TMEM135: variants seen among roughly 807,000 people sequenced by gnomAD.
The protein encoded by TMEM135 is transmembrane protein 135.
TMEM135 carries 30 observed loss-of-function variants against 60.3 expected under a neutral mutation model. The observed-to-expected ratio is 0.50, with a 90% CI of 0.37 to 0.68. The LOEUF is 0.68. Among genes scored for constraint, TMEM135 ranks in the 30% least tolerant of loss-of-function variants. The pLI is 0.00. For missense variants in TMEM135, 468 were observed against 548.8 expected, an observed-to-expected ratio of 0.85 and a Z score of 1.47; for synonymous variants, 190 against 186.7, an observed-to-expected ratio of 1.02 and a Z score of -0.14.
intron 11 of TMEM135, among the ~76,000 whole-genome samples, chr11:87,314,191 G>T (rs1308682739): frequency 6.6e-6 from 1 of 151,630 alleles, no homozygotes; most frequent in East Asian, 1.9e-4. Flanking sequence ...ATTGTATTTG[G>T]CAAGACCACT....
chr11:87,221,979 T>A lies in TMEM135; in HGVS notation c.463-14659T>A, dbSNP rs554167837. Among the ~76,000 whole-genome samples the A allele has an allele frequency of 6.2e-4, 94 of 151,964 alleles. 1 individual carries two copies. Among genetic ancestry groups the A allele is most frequent in the East Asian group, 3.7e-3 (19 of 5,152 alleles). On this transcript the variant is annotated intron_variant, in intron 5 of 14. Transcript: ENST00000305494. ...TTGGGAGGCCGAGGTGGGCGGATTG[T>A]GAGGTCAGGAGATCGAGACCATCGA... is the stretch of plus-strand genomic sequence containing the variant.
At chr11:87,204,196 T>G (rs1295720076) in intron 5 of TMEM135, among the ~76,000 whole-genome samples, 1 of 152,174 alleles carries the variant, frequency 6.6e-6, no homozygotes, top group Non-Finnish European at 1.5e-5. Context: ...TCTCTGAAAG[T>G]CCCCTATGAA....
At chr11:87,313,320 C>A in intron 10 of TMEM135, 105 bp from the exon 11 acceptor site, 1 of 872,284 alleles carries the variant, frequency 1.1e-6, no homozygotes, top group South Asian at 1.4e-5. Flanking sequence ...CACTAATTGG[C>A]CTGCAAGGTA....
intron 4 of TMEM135, among the ~76,000 whole-genome samples, chr11:87,136,661 C>CT (rs5793240): frequency 2.0e-4 from 29 of 148,298 alleles, no homozygotes; most frequent in Non-Finnish European, 2.3e-4. Context: ...ACTATTTCAA[C>CT]TTTTTTTTTT....
At chr11:87,268,238 A>G (rs1483865505) in intron 6 of TMEM135, among the ~76,000 whole-genome samples, 6 of 135,652 alleles carry the variant, frequency 4.4e-5, no homozygotes, top group Non-Finnish European at 8.0e-5. Flanking sequence ...TCAGGCAGGC[A>G]CCCTCACCAC....
At chr11:87,280,341 C>T (rs951299406) in intron 6 of TMEM135, among the ~76,000 whole-genome samples, 17 of 152,146 alleles carry the variant, frequency 1.1e-4, no homozygotes, top group Non-Finnish European at 2.2e-4. Flanking sequence ...TTATGTCATT[C>T]CTCTGAGTAG....
chr11:87,248,278 C>T (rs1254282501), intron 6 of TMEM135, among the ~76,000 whole-genome samples: 1 of 152,188 alleles, frequency 6.6e-6, no homozygotes, highest in Non-Finnish European at 1.5e-5. Context: ...AACCTCTAAA[C>T]TGTTCTCCAT....
At chr11:87,173,307 A>G (rs1939287182) in intron 5 of TMEM135, among the ~76,000 whole-genome samples, 1 of 152,194 alleles carries the variant, frequency 6.6e-6, no homozygotes, top group Non-Finnish European at 1.5e-5. Context: ...AGCGTCCTAA[A>G]GGCAAATGTG....
chr11:87,180,041 G>A (rs1808240659), intron 5 of TMEM135, among the ~76,000 whole-genome samples: 1 of 152,188 alleles, frequency 6.6e-6, no homozygotes, highest in African/African-American at 2.4e-5. Flanking sequence ...GATGCAGACA[G>A]AAGAATCCTC....
chr11:87,183,824 C>T (rs966862259), intron 5 of TMEM135, among the ~76,000 whole-genome samples: 39 of 151,760 alleles, frequency 2.6e-4, no homozygotes, highest in African/African-American at 7.7e-4. Flanking sequence ...GGCGTGGTGG[C>T]GGGCGCCTGT....
intron 2 of TMEM135, among the ~76,000 whole-genome samples, chr11:87,069,213 G>A (rs1856726689): frequency 6.6e-6 from 1 of 150,476 alleles, no homozygotes; most frequent in East Asian, 2.0e-4. Flanking sequence ...TTGAACCCGG[G>A]AGGCGGAGGT....
At chr11:87,092,340 G>A (rs988191834) in intron 4 of TMEM135, among the ~76,000 whole-genome samples, 10 of 152,066 alleles carry the variant, frequency 6.6e-5, no homozygotes, top group Non-Finnish European at 1.3e-4. Flanking sequence ...GGGTGTGTGC[G>A]GTTGGGTCAG....
intron 3 of TMEM135, among the ~76,000 whole-genome samples, chr11:87,080,545 G>T (rs1048160577): frequency 6.6e-6 from 1 of 151,996 alleles, no homozygotes; most frequent in East Asian, 1.9e-4. Context: ...ATCAATTTCT[G>T]TGAAGGTTTT....
intron 12 of TMEM135, among the ~76,000 whole-genome samples, chr11:87,316,134 G>A (rs930720866): frequency 2.6e-5 from 4 of 151,958 alleles, no homozygotes; most frequent in African/African-American, 4.8e-5. Context: ...CTTTCGCAGT[G>A]AATGGAGCTA....
At chr11:87,187,962 C>T (rs903207775) in intron 5 of TMEM135, among the ~76,000 whole-genome samples, 7 of 152,100 alleles carry the variant, frequency 4.6e-5, no homozygotes, top group Non-Finnish European at 8.8e-5. Context: ...TTAATGTTGT[C>T]TTTATCTGTC....
rs1475954581 is a variant in TMEM135, at chr11:87,327,916, AG to A, written c.*6585del. On this transcript the variant is annotated 3_prime_UTR_variant, in exon 15 of 15. Transcript: ENST00000305494. ...CCTTTCTTCTGTTTTTATTCTACCC[AG>A]GCCTCCAGTGGATTGGAGGTGCCTG... is the stretch of plus-strand genomic sequence containing the variant. 1 of 454,018 alleles carries A rather than the reference AG, an allele frequency of 2.2e-6. No homozygotes were observed. Among genetic ancestry groups the A allele is most frequent in the Admixed American group, 2.3e-5 (1 of 42,560 alleles). The allele number at this position is 454,018 out of a possible 1,614,324, so 28.1% of individuals were successfully genotyped here.
At chr11:87,249,997 C>T (rs906732395) in intron 6 of TMEM135, among the ~76,000 whole-genome samples, 1 of 151,980 alleles carries the variant, frequency 6.6e-6, no homozygotes, top group Non-Finnish European at 1.5e-5. Context: ...TTGATCTATT[C>T]AGGTTTTGGA....
intron 6 of TMEM135, among the ~76,000 whole-genome samples, chr11:87,261,457 C>T (rs962641163): frequency 2.6e-5 from 4 of 151,980 alleles, no homozygotes; most frequent in Non-Finnish European, 4.4e-5. Context: ...TAGAAGTCTC[C>T]GTTTCTTTTT....
At chr11:87,249,729 T>G (rs1284834963) in intron 6 of TMEM135, among the ~76,000 whole-genome samples, 1 of 152,182 alleles carries the variant, frequency 6.6e-6, no homozygotes, top group African/African-American at 2.4e-5. Context: ...AGTATTTTGT[T>G]GAGGATTTTT....
Sources: allele counts gnomAD v4.1 joint callset (sites outside exome capture counted in the v4.1 genomes callset), GRCh38; gene constraint gnomAD v4.1.1; transcripts MANE v1.5; gene names NCBI Gene and HGNC (gene_info 2026-07-23, HGNC 2026-07-21).